The following USH2A variants were observed in gnomAD, a reference collection of about 807,000 sequenced individuals.
The protein encoded by USH2A is usherin.
USH2A carries 443 observed loss-of-function variants against 538.9 expected under a neutral mutation model. The ratio of observed to expected loss-of-function variants is 0.82; its 90% CI spans 0.76 to 0.89. USH2A has a LOEUF of 0.89. USH2A is among the 40% of genes least tolerant of loss of function. USH2A has a pLI of 0.00. For synonymous variants in USH2A, 2,413 were observed against 2,273.5 expected (o/e 1.06, Z -1.75); for missense variants, 6,633 against 6,324.8 (o/e 1.05, Z -1.65).
chr1:216,123,687 T>C (rs1354133563), intron 21 of USH2A, among the ~76,000 whole-genome samples: 1 of 152,168 alleles, frequency 6.6e-6, no homozygotes, highest in Non-Finnish European at 1.5e-5. Context: ...CAATGGAAAT[T>C]CAATGTTCCT....
intron 44 of USH2A, among the ~76,000 whole-genome samples, chr1:215,852,354 C>A (rs183125033): frequency 2.0e-5 from 3 of 152,052 alleles, no homozygotes; most frequent in Admixed American, 1.3e-4. Context: ...GGAAAAGACC[C>A]GCCCCCATGA....
chr1:216,224,600 T>A (rs771424565), intron 14 of USH2A, among the ~76,000 whole-genome samples: 1 of 152,112 alleles, frequency 6.6e-6, no homozygotes, highest in Non-Finnish European at 1.5e-5. Flanking sequence ...TCACAAAAAG[T>A]CATTGTTGTG....
chr1:216,234,156 C>T (rs1396970526), intron 13 of USH2A, among the ~76,000 whole-genome samples: 1 of 152,138 alleles, frequency 6.6e-6, no homozygotes, highest in Non-Finnish European at 1.5e-5. Context: ...TTAGGATACT[C>T]TAAAACTCAT....
chr1:216,230,825 C>A (rs2035661791), intron 14 of USH2A, among the ~76,000 whole-genome samples: 1 of 151,618 alleles, frequency 6.6e-6, no homozygotes, highest in Admixed American at 6.6e-5. Flanking sequence ...GGGATAGGAG[C>A]TTCAAAGAAT....
chr1:216,164,984 G>A (rs1044100279), intron 21 of USH2A, among the ~76,000 whole-genome samples: 1 of 152,068 alleles, frequency 6.6e-6, no homozygotes, highest in African/African-American at 2.4e-5. Flanking sequence ...GCATGTTGGG[G>A]AGCCAGATTT....
intron 22 of USH2A, among the ~76,000 whole-genome samples, chr1:216,095,023 G>C (rs2032406477): frequency 6.6e-6 from 1 of 151,936 alleles, no homozygotes; most frequent in Non-Finnish European, 1.5e-5. Flanking sequence ...GATGTATAGA[G>C]AGACCACTTA....
chr1:216,132,144 C>T (rs1162415497), intron 21 of USH2A, among the ~76,000 whole-genome samples: 1 of 152,082 alleles, frequency 6.6e-6, no homozygotes, highest in Non-Finnish European at 1.5e-5. Context: ...GTGTCACTTT[C>T]ATCTGTTCTA....
intron 47 of USH2A, among the ~76,000 whole-genome samples, chr1:215,827,759 T>C (rs1417947239): frequency 1.3e-5 from 2 of 152,114 alleles, no homozygotes; most frequent in East Asian, 3.9e-4. Context: ...CAATTGCCCA[T>C]ATTGGTAAGC....
intron 52 of USH2A, among the ~76,000 whole-genome samples, chr1:215,784,415 T>G (rs1012486633): frequency 1.3e-5 from 2 of 152,200 alleles, no homozygotes; most frequent in African/African-American, 4.8e-5. Context: ...TGGTAATGAC[T>G]GTTATTCTGT....
chr1:215,860,987 G>A (rs1664299315), intron 44 of USH2A, among the ~76,000 whole-genome samples: 1 of 152,164 alleles, frequency 6.6e-6, no homozygotes, highest in Non-Finnish European at 1.5e-5. Flanking sequence ...AGCAGCTCTT[G>A]GAAAATTTGA....
At chr1:216,135,595 T>C (rs1424373235) in intron 21 of USH2A, among the ~76,000 whole-genome samples, 1 of 152,156 alleles carries the variant, frequency 6.6e-6, no homozygotes, top group Non-Finnish European at 1.5e-5. Context: ...TTACTATAAC[T>C]GTTATACTGT....
At chr1:216,104,281 T>C (rs898618579) in intron 21 of USH2A, among the ~76,000 whole-genome samples, 2 of 151,880 alleles carry the variant, frequency 1.3e-5, no homozygotes, top group Non-Finnish European at 2.9e-5. Flanking sequence ...GTGTTCTCAT[T>C]GTTCAATTCC....
At chr1:215,912,451 GTGTATATATATA>G in intron 38 of USH2A, among the ~76,000 whole-genome samples, 1 of 9,962 alleles carries the variant, frequency 1.0e-4, no homozygotes, top group Admixed American at 1.1e-3. Context: ...TAGTAGGTAT[GTGTATATATATA>G]TATATATATA....
At chr1:215,985,899 C>T (rs75932800) in intron 35 of USH2A, among the ~76,000 whole-genome samples, 2,464 of 152,076 alleles carry the variant, frequency 0.016, 71 homozygotes, top group African/African-American at 0.056. Flanking sequence ...CAAGGTACTA[C>T]GTGTAAGTCT....
At chr1:215,993,253 T>C (rs1668048721) in intron 34 of USH2A, 86 bp from the exon 35 acceptor site, 10 of 1,602,614 alleles carry the variant, frequency 6.2e-6, no homozygotes, top group Admixed American at 1.7e-5. Context: ...ATAATAAGAG[T>C]TTCAGATTTT....
chr1:216,257,871 T>C (rs1341113029), intron 11 of USH2A, among the ~76,000 whole-genome samples: 2 of 152,074 alleles, frequency 1.3e-5, no homozygotes, highest in Non-Finnish European at 2.9e-5. Flanking sequence ...TTTCATTCCA[T>C]ACAGTGTAGG....
chr1:215,765,679 A>G (rs1661108295), intron 56 of USH2A, among the ~76,000 whole-genome samples: 1 of 151,838 alleles, frequency 6.6e-6, no homozygotes, highest in Admixed American at 6.6e-5. Flanking sequence ...CATTGCTATC[A>G]GTTGGTGTGT....
chr1:215,904,999 T>C (rs561715879), intron 38 of USH2A, among the ~76,000 whole-genome samples: 1 of 151,984 alleles, frequency 6.6e-6, no homozygotes, highest in Non-Finnish European at 1.5e-5. Context: ...AAACACCAAA[T>C]AGACAATGAC....
intron 44 of USH2A, among the ~76,000 whole-genome samples, chr1:215,849,996 T>C (rs36016984): frequency 0.15 from 22,655 of 150,166 alleles, 1,996 homozygotes; most frequent in African/African-American, 0.24. Context: ...TCTTTTTAAG[T>C]TTCATGATAA....
Sources: gnomAD v4.1 joint callset for allele counts (sites outside exome capture counted in the v4.1 genomes callset) on GRCh38, gnomAD v4.1.1 for gene constraint, MANE v1.5 for transcripts, NCBI Gene and HGNC (gene_info 2026-07-23, HGNC 2026-07-21) for gene names.